The following EPHA6 variants were observed in gnomAD, a reference collection of about 807,000 sequenced individuals.
The protein encoded by EPHA6 is ephrin type-A receptor 6.
A neutral mutation model predicts 112.0 loss-of-function variants in EPHA6; 50 were observed. The ratio of observed to expected loss-of-function variants is 0.45; its 90% CI spans 0.36 to 0.56. The LOEUF (loss-of-function observed/expected upper bound fraction) is 0.56, where lower values mean the gene tolerates loss of function less well. Among genes scored for constraint, EPHA6 ranks in the 20% least tolerant of loss-of-function variants. EPHA6 has a pLI of 0.00. For synonymous variants in EPHA6, 529 were observed against 490.7 expected, an observed-to-expected ratio of 1.08 and a Z score of -1.03; for missense variants, 1,280 against 1,417.4, an observed-to-expected ratio of 0.90 and a Z score of 1.56.
intron 3 of EPHA6, among the ~76,000 whole-genome samples, chr3:97,090,168 G>A (rs566760014): frequency 6.6e-6 from 1 of 152,016 alleles, no homozygotes; most frequent in African/African-American, 2.4e-5. Flanking sequence ...CCTTAATTTA[G>A]TTGTAATAAG....
Position 97,758,437 on chromosome 3 carries a change from A to G in EPHA6, c.*9736A>G, listed in dbSNP as rs889531070. Reference sequence around the variant, plus strand: ...ATAATTCCTAAATTTTCATATATATACATATACTGACATACCTTTAAAATA... The same window carrying G: ...ATAATTCCTAAATTTTCATATATATGCATATACTGACATACCTTTAAAATA... On this transcript the variant is annotated 3_prime_UTR_variant, in exon 18 of 18. Coordinates refer to ENST00000389672, the MANE Select transcript of EPHA6 (RefSeq NM_001080448.3). Among the ~76,000 whole-genome samples, 1 of 151,948 alleles carries G rather than the reference A, an allele frequency of 6.6e-6. No individual in the cohort carries two copies. Among genetic ancestry groups the G allele is most frequent in the Admixed American group, 6.6e-5 (1 of 15,254 alleles).
chr3:97,577,441 CCTTTCT>C (rs1473868431), intron 11 of EPHA6, among the ~76,000 whole-genome samples: 1 of 152,086 alleles, frequency 6.6e-6, no homozygotes, highest in East Asian at 1.9e-4. Flanking sequence ...TTCTTTCCTT[CCTTTCT>C]CTTTCTCTTT....
intron 6 of EPHA6, among the ~76,000 whole-genome samples, chr3:97,418,405 T>C (rs2088315107): frequency 6.6e-6 from 1 of 152,034 alleles, no homozygotes; most frequent in South Asian, 2.1e-4. Flanking sequence ...CTAGAAACTT[T>C]ATTACAGCTG....
At chr3:97,534,908 G>T (rs1163619170) in intron 11 of EPHA6, among the ~76,000 whole-genome samples, 1 of 152,034 alleles carries the variant, frequency 6.6e-6, no homozygotes, top group Non-Finnish European at 1.5e-5. Context: ...GTGTGTTTAT[G>T]CATGAAACAT....
intron 13 of EPHA6, among the ~76,000 whole-genome samples, chr3:97,636,733 G>A (rs1482356742): frequency 1.3e-5 from 2 of 152,068 alleles, no homozygotes; most frequent in African/African-American, 4.8e-5. Context: ...TTTGAAATCA[G>A]ATATGTATTC....
At chr3:96,822,417 G>A (rs2033330880) in intron 1 of EPHA6, among the ~76,000 whole-genome samples, 1 of 151,770 alleles carries the variant, frequency 6.6e-6, no homozygotes, top group South Asian at 2.1e-4. Context: ...AATATATTGA[G>A]CTAGTTTCCC....
chr3:97,515,354 T>C (rs2092431262), intron 10 of EPHA6, among the ~76,000 whole-genome samples: 1 of 152,192 alleles, frequency 6.6e-6, no homozygotes, highest in Non-Finnish European at 1.5e-5. Context: ...GTGCCTTTAC[T>C]TCCTATCATT....
At chr3:96,849,102 T>G (rs998898015) in intron 1 of EPHA6, among the ~76,000 whole-genome samples, 5 of 152,142 alleles carry the variant, frequency 3.3e-5, no homozygotes, top group Non-Finnish European at 5.9e-5. Context: ...AAGTTTAGCT[T>G]CCAAGCAGGC....
chr3:97,179,527 A>G (rs2076925891), intron 3 of EPHA6, among the ~76,000 whole-genome samples: 1 of 152,016 alleles, frequency 6.6e-6, no homozygotes. Context: ...CTTTCCAGAT[A>G]TTTGAAAAGA....
intron 14 of EPHA6, among the ~76,000 whole-genome samples, chr3:97,654,921 G>T (rs1368017354): frequency 6.6e-6 from 1 of 151,352 alleles, no homozygotes; most frequent in South Asian, 2.1e-4. Flanking sequence ...GCTGTATATT[G>T]AGATTGATTT....
chr3:97,461,417 G>C (rs967766269), intron 7 of EPHA6, among the ~76,000 whole-genome samples: 19 of 152,114 alleles, frequency 1.2e-4, no homozygotes, highest in East Asian at 1.9e-4. Context: ...TGGATATAAG[G>C]ATACCACCTA....
intron 3 of EPHA6, among the ~76,000 whole-genome samples, chr3:97,078,569 A>G (rs958052724): frequency 2.2e-4 from 33 of 151,996 alleles, no homozygotes; most frequent in African/African-American, 7.2e-5. Flanking sequence ...ATTAATTTTT[A>G]TATAAGGTGT....
At chr3:97,179,346 A>G (rs932296825) in intron 3 of EPHA6, among the ~76,000 whole-genome samples, 43 of 152,094 alleles carry the variant, frequency 2.8e-4, no homozygotes, top group Non-Finnish European at 4.7e-4. Flanking sequence ...CTGAAAAGTC[A>G]TATATCTCTA....
chr3:97,690,621 C>T (rs868247025), intron 14 of EPHA6, among the ~76,000 whole-genome samples: 4 of 152,196 alleles, frequency 2.6e-5, no homozygotes, highest in Middle Eastern at 3.4e-3. Context: ...GCTCACACCA[C>T]CATGCCTGGC....
intron 2 of EPHA6, among the ~76,000 whole-genome samples, chr3:96,949,708 C>G (rs542758950): frequency 6.6e-6 from 1 of 152,082 alleles, no homozygotes; most frequent in East Asian, 1.9e-4. Context: ...ATTTTAAAAT[C>G]ATATTTATTT....
intron 11 of EPHA6, among the ~76,000 whole-genome samples, chr3:97,564,866 C>T (rs2093240408): frequency 6.6e-6 from 1 of 152,070 alleles, no homozygotes; most frequent in East Asian, 1.9e-4. Context: ...AGAATGAAAG[C>T]TTAGGCATGT....
intron 6 of EPHA6, among the ~76,000 whole-genome samples, chr3:97,418,715 A>C (rs1308288546): frequency 6.6e-6 from 1 of 152,216 alleles, no homozygotes; most frequent in African/African-American, 2.4e-5. Flanking sequence ...CCAAAACGAT[A>C]GTATAAGAAG....
At chr3:97,343,907 A>T (rs2083424140) in intron 5 of EPHA6, among the ~76,000 whole-genome samples, 1 of 152,082 alleles carries the variant, frequency 6.6e-6, no homozygotes, top group Non-Finnish European at 1.5e-5. Context: ...AGAGACAAAG[A>T]GGATTGTTCT....
intron 5 of EPHA6, among the ~76,000 whole-genome samples, chr3:97,388,085 C>T (rs2109048159): frequency 6.6e-6 from 1 of 152,308 alleles, no homozygotes; most frequent in South Asian, 2.1e-4. Flanking sequence ...TACCAGGCCC[C>T]TCCTCCAATA....
Sources: gnomAD v4.1 joint callset for allele counts (sites outside exome capture counted in the v4.1 genomes callset) on GRCh38, gnomAD v4.1.1 for gene constraint, MANE v1.5 for transcripts, NCBI Gene and HGNC (gene_info 2026-07-23, HGNC 2026-07-21) for gene names.